ZFPM2: variants seen among roughly 807,000 people sequenced by gnomAD.
ZFPM2 encodes the protein zinc finger protein, FOG family member 2, also known as zinc finger protein ZFPM2.
A neutral mutation model predicts 98.6 loss-of-function variants in ZFPM2; 20 were observed. The observed-to-expected ratio is 0.20, with a 90% CI of 0.14 to 0.29. The LOEUF is 0.29. Among genes scored for constraint, ZFPM2 ranks in the 10% least tolerant of loss-of-function variants. The probability of loss-of-function intolerance (pLI) is 1.00; values close to 1 mark genes in which losing one functional copy is unlikely to be tolerated. For missense variants in ZFPM2, 1,310 were observed against 1,388.6 expected (o/e 0.94, Z 0.90); for synonymous variants, 518 against 502.7 (o/e 1.03, Z -0.41).
intron 3 of ZFPM2, among the ~76,000 whole-genome samples, chr8:105,558,591 C>T (rs192221217): frequency 6.6e-6 from 1 of 152,222 alleles, no homozygotes; most frequent in East Asian, 1.9e-4. Context: ...GTTCTTAATC[C>T]ATTAAAAGAC....
intron 3 of ZFPM2, among the ~76,000 whole-genome samples, chr8:105,555,313 G>A (rs1343459590): frequency 6.6e-6 from 1 of 152,044 alleles, no homozygotes; most frequent in South Asian, 2.1e-4. Context: ...ACTGGGCAGA[G>A]AAGAACATTT....
At chr8:105,390,052 A>G (rs1586337491) in intron 1 of ZFPM2, among the ~76,000 whole-genome samples, 1 of 152,168 alleles carries the variant, frequency 6.6e-6, no homozygotes, top group African/African-American at 2.4e-5. Flanking sequence ...TTTGTATTTA[A>G]CTAGTCTCAT....
chr8:105,332,612 G>A (rs542543764), intron 1 of ZFPM2, among the ~76,000 whole-genome samples: 1 of 151,688 alleles, frequency 6.6e-6, no homozygotes, highest in East Asian at 1.9e-4. Flanking sequence ...TACAGACCAT[G>A]GTCTCTCCCT....
intron 3 of ZFPM2, among the ~76,000 whole-genome samples, chr8:105,505,676 A>G (rs1350123508): frequency 6.6e-6 from 1 of 152,166 alleles, no homozygotes; most frequent in Non-Finnish European, 1.5e-5. Flanking sequence ...ATTCTGCTAC[A>G]TTTCAAATAT....
chr8:105,370,662 C>T (rs1341798999), intron 1 of ZFPM2, among the ~76,000 whole-genome samples: 1 of 152,172 alleles, frequency 6.6e-6, no homozygotes. Flanking sequence ...AGCAAGTGCA[C>T]CACAGCTCCT....
intron 5 of ZFPM2, among the ~76,000 whole-genome samples, chr8:105,645,353 T>G (rs1283762207): frequency 2.6e-5 from 4 of 152,248 alleles, no homozygotes; most frequent in Non-Finnish European, 5.9e-5. Flanking sequence ...TTGTTTATCA[T>G]CTTGCTCTTT....
intron 5 of ZFPM2, among the ~76,000 whole-genome samples, chr8:105,754,608 C>T (rs1242144856): frequency 6.6e-6 from 1 of 151,854 alleles, no homozygotes; most frequent in African/African-American, 2.4e-5. Context: ...CAACGACCTG[C>T]GGTTCTCAGT....
intron 4 of ZFPM2, among the ~76,000 whole-genome samples, chr8:105,618,231 G>A (rs1033295854): frequency 1.3e-5 from 2 of 152,062 alleles, no homozygotes; most frequent in African/African-American, 2.4e-5. Flanking sequence ...AATTCCTAAG[G>A]AGAGTCTCAT....
intron 3 of ZFPM2, among the ~76,000 whole-genome samples, chr8:105,501,671 T>A (rs1813598478): frequency 1.3e-5 from 2 of 148,884 alleles, no homozygotes; most frequent in Non-Finnish European, 3.0e-5. Context: ...TCCTGGCTAA[T>A]TTTTGCAGTT....
intron 1 of ZFPM2, among the ~76,000 whole-genome samples, chr8:105,383,512 C>T (rs780054469): frequency 3.3e-5 from 5 of 152,116 alleles, no homozygotes; most frequent in Admixed American, 6.5e-5. Flanking sequence ...TTTCAAATAA[C>T]CCTCTCAGTC....
intron 5 of ZFPM2, among the ~76,000 whole-genome samples, chr8:105,757,698 G>T (rs772531421): frequency 6.6e-6 from 1 of 152,116 alleles, no homozygotes; most frequent in Non-Finnish European, 1.5e-5. Context: ...GAATGGTATT[G>T]TGTGGATGAG....
chr8:105,325,931 A>G (rs796472422), intron 1 of ZFPM2, among the ~76,000 whole-genome samples: 9 of 151,918 alleles, frequency 5.9e-5, no homozygotes, highest in African/African-American at 2.2e-4. Context: ...GTTAAAATAA[A>G]AGGCTATTCT....
chr8:105,369,264 G>A (rs900710428), intron 1 of ZFPM2, among the ~76,000 whole-genome samples: 3 of 152,064 alleles, frequency 2.0e-5, no homozygotes, highest in Non-Finnish European at 2.9e-5. Context: ...CAATTATCCT[G>A]ACGTGAATTA....
chr8:105,407,316 T>G (rs577788802), intron 1 of ZFPM2, among the ~76,000 whole-genome samples: 7 of 152,080 alleles, frequency 4.6e-5, no homozygotes, highest in African/African-American at 1.7e-4. Flanking sequence ...ATTTACACTA[T>G]GCTGGTTGTA....
intron 1 of ZFPM2, among the ~76,000 whole-genome samples, chr8:105,359,563 A>G (rs1045325351): frequency 1.3e-5 from 2 of 151,572 alleles, no homozygotes; most frequent in East Asian, 2.0e-4. Flanking sequence ...TTTAGTAGAG[A>G]TGGGGTTTCA....
chr8:105,580,783 C>A (rs1441227209), intron 4 of ZFPM2, among the ~76,000 whole-genome samples: 20 of 147,740 alleles, frequency 1.4e-4, no homozygotes, highest in Non-Finnish European at 2.2e-4. Flanking sequence ...AGTAACAGTG[C>A]AAGTAATAAT....
At chr8:105,350,399 A>C (rs1812618502) in intron 1 of ZFPM2, among the ~76,000 whole-genome samples, 1 of 152,212 alleles carries the variant, frequency 6.6e-6, no homozygotes, top group Non-Finnish European at 1.5e-5. Context: ...TAAGAGACAG[A>C]AAATTCTACT....
At chr8:105,481,053 A>T (rs1179401685) in intron 3 of ZFPM2, among the ~76,000 whole-genome samples, 1 of 152,066 alleles carries the variant, frequency 6.6e-6, no homozygotes, top group African/African-American at 2.4e-5. Flanking sequence ...CCTGGCTGGG[A>T]TTACATTTTT....
chr8:105,438,958 C>G (rs574259343), intron 2 of ZFPM2, among the ~76,000 whole-genome samples: 56 of 152,294 alleles, frequency 3.7e-4, no homozygotes, highest in African/African-American at 1.2e-3. Flanking sequence ...TCAGTGGCTA[C>G]TGCTCTCATG....
Sources: gnomAD v4.1 joint callset for allele counts (sites outside exome capture counted in the v4.1 genomes callset) on GRCh38, gnomAD v4.1.1 for gene constraint, MANE v1.5 for transcripts, NCBI Gene and HGNC (gene_info 2026-07-23, HGNC 2026-07-21) for gene names.